Variants in DOCK7 observed in about 807,000 individuals in gnomAD.
The protein encoded by DOCK7 is dedicator of cytokinesis 7, also known as dedicator of cytokinesis protein 7.
Under a neutral mutation model 271.0 loss-of-function variants are expected in DOCK7, and 138 were observed. The observed-to-expected ratio is 0.51, with a 90% CI of 0.44 to 0.59. The LOEUF (loss-of-function observed/expected upper bound fraction) is 0.59, where lower values mean the gene tolerates loss of function less well. DOCK7 is among the 20% of genes least tolerant of loss of function. The probability of loss-of-function intolerance (pLI) is 0.00; values close to 1 mark genes in which losing one functional copy is unlikely to be tolerated. For synonymous variants in DOCK7, 823 were observed against 876.1 expected (o/e 0.94, Z 1.07); for missense variants, 2,066 against 2,592.4 (o/e 0.80, Z 4.41).
intron 1 of DOCK7, among the ~76,000 whole-genome samples, chr1:62,679,835 G>A (rs1660913132): frequency 6.6e-6 from 1 of 152,126 alleles, no homozygotes; most frequent in African/African-American, 2.4e-5. Flanking sequence ...TACAAGGGAT[G>A]TGAAGGACCT....
chr1:62,556,283 A>G (rs1226038671), intron 20 of DOCK7, among the ~76,000 whole-genome samples: 1 of 152,186 alleles, frequency 6.6e-6, no homozygotes, highest in Non-Finnish European at 1.5e-5. Context: ...TTAGTAAAAC[A>G]ATACAAAGTA....
chr1:62,529,350 A>G lies in DOCK7; in HGVS notation c.3708T>C (p.Ala1236=). The G allele has an allele frequency of 6.2e-7, 1 of 1,613,798 alleles. No homozygotes were observed. ...GAGGTAGATACAACATGGCCACTCG[A>G]GCCTTTATCTGAGGGTCAGAGTACC... ...DPRYSDPQIK[A]RVAMLYLPLI... is the part of the protein sequence containing the mutation. The change falls in exon 30 of 50, where the codon GCT becomes GCC. Residue 1236 remains alanine, a synonymous_variant. Transcript: ENST00000635253.
intron 31 of DOCK7, among the ~76,000 whole-genome samples, chr1:62,523,942 TAA>T (rs1347264141): frequency 4.6e-5 from 7 of 152,098 alleles, no homozygotes; most frequent in African/African-American, 1.7e-4. Context: ...ATTAAATGGG[TAA>T]AACAGCAAGC....
At chr1:62,631,497 GTCTC>G in intron 10 of DOCK7, 92 bp from the exon 11 acceptor site, 1 of 1,145,976 alleles carries the variant, frequency 8.7e-7, no homozygotes, top group Non-Finnish European at 1.2e-6. Flanking sequence ...AGGATGAGAA[GTCTC>G]AATTCTCAGC....
At chr1:62,677,244 G>C (rs1179426396) in intron 1 of DOCK7, among the ~76,000 whole-genome samples, 1 of 152,134 alleles carries the variant, frequency 6.6e-6, no homozygotes, top group East Asian at 1.9e-4. Flanking sequence ...CCATAGAGAA[G>C]GGCATGTGAC....
intron 10 of DOCK7, among the ~76,000 whole-genome samples, chr1:62,632,167 A>C (rs1021600981): frequency 6.6e-6 from 1 of 152,206 alleles, no homozygotes; most frequent in African/African-American, 2.4e-5. Context: ...CTTGGGACTC[A>C]GGGCTAGAAA....
At position 62,552,835 on chromosome 1, in the gene DOCK7, C is replaced by T. The variant is rs769066064; in HGVS notation, c.2663G>A (p.Ser888Asn). The T allele has an allele frequency of 2.5e-5, 41 of 1,613,742 alleles. No homozygotes were observed. The highest frequency in any genetic ancestry group is 3.5e-5 in the Non-Finnish European group (41 of 1,179,960). ...TMARSAVRPA[S>N]LNLNRSRSLS... ...GCTTCGAGAACGATTTAAATTAAGG[C>T]TTGCAGGTCTCACCGCAGATCTAGC... is the stretch of plus-strand genomic sequence containing the variant. Residue 888 changes from serine to asparagine, a missense_variant, in exon 22 of 50, where the codon AGC (serine) becomes AAC (asparagine). Transcript: ENST00000635253.
chr1:62,641,607 C>T (rs935886412), intron 7 of DOCK7: 8 of 469,584 alleles, frequency 1.7e-5, no homozygotes, highest in Non-Finnish European at 3.5e-5. Context: ...ATGTGGATGC[C>T]CTCGCAACAC....
chr1:62,649,230 A>T (rs1657043936), intron 4 of DOCK7, among the ~76,000 whole-genome samples: 3 of 152,164 alleles, frequency 2.0e-5, no homozygotes, highest in African/African-American at 7.2e-5. Context: ...CACTTCATAG[A>T]GCCAAACTGA....
At chr1:62,504,879 C>A in intron 36 of DOCK7, 97 bp from the exon 37 acceptor site, 1 of 1,374,582 alleles carries the variant, frequency 7.3e-7, no homozygotes, top group South Asian at 1.5e-5. Flanking sequence ...TAGTATAGCC[C>A]AGAAATTAAA....
chr1:62,457,177 T>C (rs1645371034), intron 49 of DOCK7, among the ~76,000 whole-genome samples: 1 of 152,226 alleles, frequency 6.6e-6, no homozygotes, highest in Non-Finnish European at 1.5e-5. Context: ...AGACTTTGTG[T>C]GGTGTCCCGG....
rs191368357 is a variant in DOCK7 at position 62,656,670 on chromosome 1, G to A, written c.145-2511C>T. On this transcript the variant is annotated intron_variant, in intron 2 of 49. Coordinates refer to ENST00000635253, the MANE Select transcript of DOCK7 (RefSeq NM_001367561.1). ...TATAGAGAAAAAGGCTGGCCGGCAG[G>A]GACATCAGAACCCAGGGAATGGCAT... Among the ~76,000 whole-genome samples, 217 of 152,112 alleles carry A rather than the reference G, an allele frequency of 1.4e-3. 1 individual carries two copies. Among genetic ancestry groups the A allele is most frequent in the Admixed American group, 5.0e-3 (77 of 15,286 alleles).
Position 62,653,594 on chromosome 1 carries a change from GTTC to G in DOCK7, c.389+128_389+130del, listed in dbSNP as rs777633955. 107 of 634,962 alleles carry G rather than the reference GTTC, an allele frequency of 1.7e-4. 1 individual carries two copies. The East Asian group carries it at 2.7e-3, about 16-fold the overall frequency. 39.3% of individuals were successfully genotyped at this position (634,962 alleles called of 1,614,324 possible). Reference sequence around the variant, plus strand: ...AAGGAGTAAATATCTATACACAAAAGTTCTTCTTTTGTTTCTTCAGCTATTTTG... The same window carrying G: ...AAGGAGTAAATATCTATACACAAAAGTTCTTTTGTTTCTTCAGCTATTTTG... On this transcript the variant is annotated intron_variant, in intron 4 of 49. Coordinates refer to ENST00000635253, the MANE Select transcript of DOCK7 (RefSeq NM_001367561.1).
chr1:62,584,969 C>G, intron 15 of DOCK7: 1 of 565,956 alleles, frequency 1.8e-6, no homozygotes, highest in East Asian at 3.0e-5. Flanking sequence ...TTACATTTGT[C>G]GTATGCTCAA....
intron 11 of DOCK7, chr1:62,627,679 A>G (rs1283884663): frequency 6.6e-6 from 1 of 152,194 alleles, no homozygotes; most frequent in African/African-American, 2.4e-5. Flanking sequence ...GTATAAATTT[A>G]ACAAGAGAAG....
chr1:62,560,795 C>T lies in DOCK7; in HGVS notation c.2199+822G>A, dbSNP rs75031643. 2.2e-4 allele frequency among the ~76,000 whole-genome samples: 34 copies of T among 152,254 alleles called. No homozygotes were observed. The East Asian group carries it at 6.6e-3, about 29-fold the overall frequency. On this transcript the variant is annotated intron_variant, in intron 19 of 49. Transcript: ENST00000635253. ...GTGCCTAGCAAAACAGATAACTCTT[C>T]CCTCTGTACTTCAAAGAATTTAGTT... is the stretch of plus-strand genomic sequence containing the variant.
chr1:62,470,488 T>C (rs1645799706), intron 48 of DOCK7, among the ~76,000 whole-genome samples: 1 of 152,114 alleles, frequency 6.6e-6, no homozygotes, highest in African/African-American at 2.4e-5. Flanking sequence ...GGGTTCAGTG[T>C]ATACTGCTTG....
At chr1:62,601,718 G>T in intron 14 of DOCK7, 1 of 1,257,402 alleles carries the variant, frequency 8.0e-7, no homozygotes, top group Non-Finnish European at 1.2e-6. Flanking sequence ...AAGCTCCAAA[G>T]ATATTATTCC....
intron 14 of DOCK7, chr1:62,604,780 T>C (rs1355226358): frequency 6.2e-7 from 1 of 1,613,058 alleles, no homozygotes; most frequent in Non-Finnish European, 8.5e-7. Flanking sequence ...TCAACCAAAA[T>C]GTTGATCCAT....
Sources: gnomAD v4.1 joint callset for allele counts (sites outside exome capture counted in the v4.1 genomes callset) on GRCh38, gnomAD v4.1.1 for gene constraint, MANE v1.5 for transcripts, NCBI Gene and HGNC (gene_info 2026-07-23, HGNC 2026-07-21) for gene names.